COL25A1: variants seen among roughly 807,000 people sequenced by gnomAD.
COL25A1 encodes the protein collagen alpha-1(XXV) chain.
A neutral mutation model predicts 128.4 loss-of-function variants in COL25A1; 103 were observed. The observed-to-expected ratio is 0.80, with a 90% CI of 0.68 to 0.94. The LOEUF is 0.94. Ranked by LOEUF, COL25A1 falls within the 40% of genes least tolerant of loss-of-function variation. COL25A1 has a pLI of 0.00. For missense variants in COL25A1, 745 were observed against 840.0 expected, an observed-to-expected ratio of 0.89 and a Z score of 1.40; for synonymous variants, 279 against 277.2, an observed-to-expected ratio of 1.01 and a Z score of -0.06.
chr4:108,833,251 G>T (rs763524081), intron 31 of COL25A1, among the ~76,000 whole-genome samples: 1 of 152,196 alleles, frequency 6.6e-6, no homozygotes, highest in African/African-American at 2.4e-5. Flanking sequence ...GGCAGCAGGG[G>T]CTTACAGGAA....
rs1734361032 is a variant in COL25A1 at position 108,840,852 on chromosome 4, G to GT, written c.1656+842dup. ...AGCTGCACCAGATATTTTGCTAAGT[G>GT]TTTTATAAGCATACCTCATTAAGTT... On this transcript the variant is annotated intron_variant, in intron 31 of 37. Coordinates refer to ENST00000399132, the MANE Select transcript of COL25A1 (RefSeq NM_198721.4). Among the ~76,000 whole-genome samples, 10 of 152,312 alleles carry GT rather than the reference G, an allele frequency of 6.6e-5. 1 individual carries two copies. The South Asian group carries it at 2.1e-3, about 32-fold the overall frequency.
At chr4:109,256,253 TC>T (rs1781081261) in intron 3 of COL25A1, among the ~76,000 whole-genome samples, 1 of 152,182 alleles carries the variant, frequency 6.6e-6, no homozygotes, top group South Asian at 2.1e-4. Context: ...AAGATTTTTT[TC>T]ATTCAGAAAA....
intron 3 of COL25A1, among the ~76,000 whole-genome samples, chr4:109,287,144 C>A (rs1045736490): frequency 1.3e-5 from 2 of 152,096 alleles, no homozygotes; most frequent in African/African-American, 4.8e-5. Flanking sequence ...GTTCAAATAC[C>A]AATTATCATT....
intron 8 of COL25A1, among the ~76,000 whole-genome samples, chr4:108,971,294 C>T (rs1751886609): frequency 6.6e-6 from 1 of 152,088 alleles, no homozygotes; most frequent in Admixed American, 6.5e-5. Flanking sequence ...TTTATTGAAT[C>T]TTCACTATTC....
intron 5 of COL25A1, among the ~76,000 whole-genome samples, chr4:109,028,299 G>A (rs1216997775): frequency 2.0e-5 from 3 of 152,104 alleles, no homozygotes; most frequent in Non-Finnish European, 4.4e-5. Flanking sequence ...TGTAGAGACA[G>A]GTTCTTGCTA....
intron 5 of COL25A1, among the ~76,000 whole-genome samples, chr4:109,013,839 C>T (rs1561026528): frequency 6.6e-6 from 1 of 152,178 alleles, no homozygotes; most frequent in Non-Finnish European, 1.5e-5. Flanking sequence ...GTAACACTCA[C>T]CATGAGAATC....
chr4:109,144,500 G>A (rs981290692), intron 3 of COL25A1, among the ~76,000 whole-genome samples: 6 of 152,160 alleles, frequency 3.9e-5, no homozygotes, highest in Admixed American at 2.6e-4. Flanking sequence ...GCCCACAGCC[G>A]CCCCTTCCCC....
At chr4:109,298,801 T>C (rs1197101139) in intron 3 of COL25A1, among the ~76,000 whole-genome samples, 1 of 152,184 alleles carries the variant, frequency 6.6e-6, no homozygotes, top group Admixed American at 6.5e-5. Context: ...CCTTGGAAGC[T>C]GCCAGGTAAA....
chr4:109,047,306 G>T (rs907441009), intron 5 of COL25A1, among the ~76,000 whole-genome samples: 3 of 152,176 alleles, frequency 2.0e-5, no homozygotes, highest in African/African-American at 7.2e-5. Context: ...TCCAGGAAAA[G>T]GATTTAAAAT....
At chr4:108,959,994 G>A (rs748212340) in intron 8 of COL25A1, among the ~76,000 whole-genome samples, 1 of 152,102 alleles carries the variant, frequency 6.6e-6, no homozygotes, top group East Asian at 1.9e-4. Context: ...TAAAGAAAAG[G>A]CTGCAAGACT....
intron 11 of COL25A1, among the ~76,000 whole-genome samples, chr4:108,927,920 A>G (rs1300590184): frequency 6.6e-6 from 1 of 152,206 alleles, no homozygotes; most frequent in Non-Finnish European, 1.5e-5. Flanking sequence ...CTAGGTATAT[A>G]AAAATCTATT....
intron 5 of COL25A1, among the ~76,000 whole-genome samples, chr4:109,034,231 T>G (rs997064416): frequency 6.6e-6 from 1 of 152,182 alleles, no homozygotes; most frequent in African/African-American, 2.4e-5. Context: ...TGATCTTGAG[T>G]GTCACTCAAG....
At chr4:109,150,714 T>C (rs1771416330) in intron 3 of COL25A1, among the ~76,000 whole-genome samples, 1 of 152,110 alleles carries the variant, frequency 6.6e-6, no homozygotes, top group Non-Finnish European at 1.5e-5. Context: ...TGCTGGAAAA[T>C]ATTATATACA....
chr4:109,100,091 C>T (rs773495309), intron 3 of COL25A1, among the ~76,000 whole-genome samples: 5 of 152,136 alleles, frequency 3.3e-5, no homozygotes, highest in Non-Finnish European at 7.4e-5. Context: ...CACATCCATA[C>T]ACTGCTGTAG....
intron 3 of COL25A1, among the ~76,000 whole-genome samples, chr4:109,106,934 A>G (rs1470781596): frequency 6.6e-6 from 1 of 151,950 alleles, no homozygotes; most frequent in Non-Finnish European, 1.5e-5. Flanking sequence ...CGCTCTGCTA[A>G]TTTTTTCTGT....
intron 20 of COL25A1, among the ~76,000 whole-genome samples, chr4:108,865,291 T>G (rs760987624): frequency 6.6e-6 from 1 of 152,226 alleles, no homozygotes; most frequent in Non-Finnish European, 1.5e-5. Context: ...TGGTGGGTCA[T>G]GTAGGGCTTG....
chr4:109,143,133 C>G (rs1770586987), intron 3 of COL25A1, among the ~76,000 whole-genome samples: 1 of 152,154 alleles, frequency 6.6e-6, no homozygotes, highest in Admixed American at 6.5e-5. Flanking sequence ...ATTTGCTTGT[C>G]TATCAAGGAT....
chr4:109,155,984 GT>G lies in COL25A1; in HGVS notation c.368-105806del, dbSNP rs537620300. ...ACTGTCTATTAGGTACACAGTCAGAGTAGGGCCATTTGTCAAAGGACTGTAG... is the reference window on the plus strand; with the variant it reads ...ACTGTCTATTAGGTACACAGTCAGAGAGGGCCATTTGTCAAAGGACTGTAG... On this transcript the variant is annotated intron_variant, in intron 3 of 37. Transcript: ENST00000399132. Among the ~76,000 whole-genome samples the G allele has an allele frequency of 1.6e-3, 249 of 152,322 alleles. 1 individual carries two copies. The highest frequency in any genetic ancestry group is 5.7e-3 in the African/African-American group (235 of 41,586).
At chr4:109,000,369 AGTTT>A (rs1755226875) in intron 6 of COL25A1, among the ~76,000 whole-genome samples, 2 of 152,204 alleles carry the variant, frequency 1.3e-5, no homozygotes, top group African/African-American at 4.8e-5. Flanking sequence ...AAAGATAGAT[AGTTT>A]GTCAGTGGTA....
Sources: gnomAD v4.1 joint callset for allele counts (sites outside exome capture counted in the v4.1 genomes callset) on GRCh38, gnomAD v4.1.1 for gene constraint, MANE v1.5 for transcripts, NCBI Gene and HGNC (gene_info 2026-07-23, HGNC 2026-07-21) for gene names.